The following CSMD1 variants were observed in gnomAD, a reference collection of about 807,000 sequenced individuals.
CSMD1 encodes the protein CUB and Sushi multiple domains 1.
A neutral mutation model predicts 417.5 loss-of-function variants in CSMD1; 213 were observed. The ratio of observed to expected loss-of-function variants is 0.51; its 90% CI spans 0.46 to 0.57. CSMD1 has a LOEUF of 0.57. Ranked by LOEUF, CSMD1 falls within the 20% of genes least tolerant of loss-of-function variation. The pLI, the probability that CSMD1 is intolerant of heterozygous loss-of-function variation, is 0.00. For missense variants in CSMD1, 6,923 were observed against 4,529.7 expected, an observed-to-expected ratio of 1.53 and a Z score of -15.17; for synonymous variants, 2,862 against 1,736.8, an observed-to-expected ratio of 1.65 and a Z score of -16.11.
At chr8:4,159,443 T>G (rs890501169) in intron 3 of CSMD1, among the ~76,000 whole-genome samples, 1 of 152,240 alleles carries the variant, frequency 6.6e-6, no homozygotes, top group African/African-American at 2.4e-5. Flanking sequence ...TGAATGTTTA[T>G]GGCAGCACAA....
chr8:4,579,756 A>T (rs1209045017), intron 2 of CSMD1, among the ~76,000 whole-genome samples: 1 of 152,004 alleles, frequency 6.6e-6, no homozygotes, highest in African/African-American at 2.4e-5. Context: ...TACATGGTGA[A>T]TTTTTACAGG....
chr8:4,877,084 A>G (rs898041183), intron 1 of CSMD1, among the ~76,000 whole-genome samples: 7 of 152,084 alleles, frequency 4.6e-5, no homozygotes, highest in African/African-American at 7.3e-5. Context: ...TTTCAAATAC[A>G]CTACTTATTG....
chr8:4,745,000 C>A lies in CSMD1; in HGVS notation c.86-107442G>T, dbSNP rs1252871130. Among the ~76,000 whole-genome samples the A allele has an allele frequency of 1.3e-5, 2 of 152,122 alleles. 1 individual carries two copies. The highest frequency in any genetic ancestry group is 2.9e-5 in the Non-Finnish European group (2 of 67,996). ...GAAAACATACACTTGTTTCAAACAT[C>A]AACCTATCATAATAAACTTGTGTTA... On this transcript the variant is annotated intron_variant, in intron 1 of 69. Coordinates refer to ENST00000635120, the MANE Select transcript of CSMD1 (RefSeq NM_033225.6).
chr8:4,342,827 A>G (rs981804754), intron 3 of CSMD1, among the ~76,000 whole-genome samples: 4 of 152,034 alleles, frequency 2.6e-5, no homozygotes, highest in Admixed American at 2.6e-4. Context: ...CATCGCAAAG[A>G]AAAAGCAGGA....
intron 50 of CSMD1, among the ~76,000 whole-genome samples, chr8:3,047,015 C>T (rs140130834): frequency 1.3e-5 from 2 of 150,510 alleles, no homozygotes; most frequent in Non-Finnish European, 2.9e-5. Context: ...TGAGACCAGC[C>T]TGGCCAACAT....
chr8:2,945,443 G>T (rs561324509), intron 68 of CSMD1, among the ~76,000 whole-genome samples: 32 of 152,242 alleles, frequency 2.1e-4, no homozygotes, highest in African/African-American at 7.5e-4. Context: ...CATTAAGGGT[G>T]TTTCTAATAC....
chr8:3,787,354 A>ATTTT (rs1393787726), intron 5 of CSMD1, among the ~76,000 whole-genome samples: 2 of 152,182 alleles, frequency 1.3e-5, no homozygotes, highest in Non-Finnish European at 1.5e-5. Context: ...TGTTGATGCC[A>ATTTT]TTTTGCTTGC....
chr8:4,772,886 T>G (rs1796668448), intron 1 of CSMD1, among the ~76,000 whole-genome samples: 1 of 152,168 alleles, frequency 6.6e-6, no homozygotes, highest in Admixed American at 6.5e-5. Flanking sequence ...ATCCTGTTAT[T>G]AATGATGAAT....
intron 68 of CSMD1, among the ~76,000 whole-genome samples, chr8:2,947,399 A>T (rs945862199): frequency 9.2e-5 from 14 of 152,236 alleles, no homozygotes; most frequent in African/African-American, 3.4e-4. Context: ...GCTGTTGCAG[A>T]ATTACGTAAA....
chr8:4,165,850 C>G (rs970817897), intron 3 of CSMD1, among the ~76,000 whole-genome samples: 1 of 152,148 alleles, frequency 6.6e-6, no homozygotes, highest in African/African-American at 2.4e-5. Flanking sequence ...CGTTTTTTGC[C>G]ATTGAAAGTA....
chr8:3,935,532 T>G (rs1810431040), intron 5 of CSMD1, among the ~76,000 whole-genome samples: 1 of 152,196 alleles, frequency 6.6e-6, no homozygotes, highest in South Asian at 2.1e-4. Flanking sequence ...TTGGTAACTT[T>G]CATAATAACC....
At chr8:3,661,459 T>C (rs1034590601) in intron 7 of CSMD1, among the ~76,000 whole-genome samples, 2 of 152,062 alleles carry the variant, frequency 1.3e-5, no homozygotes, top group African/African-American at 4.8e-5. Flanking sequence ...ATTCTAGGGG[T>C]TGCCTGACTT....
intron 2 of CSMD1, among the ~76,000 whole-genome samples, chr8:4,422,825 C>G (rs1010499193): frequency 5.3e-5 from 8 of 152,022 alleles, no homozygotes; most frequent in African/African-American, 1.7e-4. Flanking sequence ...ACGAATTATA[C>G]ACGATGATCA....
At chr8:4,552,639 G>A (rs993595393) in intron 2 of CSMD1, among the ~76,000 whole-genome samples, 5 of 152,184 alleles carry the variant, frequency 3.3e-5, no homozygotes, top group East Asian at 1.9e-4. Flanking sequence ...AAAAATGAAA[G>A]CTGTTTTCTG....
At chr8:3,808,180 T>C (rs1585029353) in intron 5 of CSMD1, among the ~76,000 whole-genome samples, 1 of 152,294 alleles carries the variant, frequency 6.6e-6, no homozygotes, top group African/African-American at 2.4e-5. Flanking sequence ...TGTAACCTAT[T>C]AAAATTGTTT....
chr8:3,399,350 A>T (rs753943485), intron 16 of CSMD1, 41 bp downstream of exon 16: 1 of 1,538,592 alleles, frequency 6.5e-7, no homozygotes, highest in Admixed American at 2.0e-5. Context: ...TGGAAGAGAC[A>T]CACACCATTG....
chr8:3,001,682 T>C (rs918176597), intron 52 of CSMD1, among the ~76,000 whole-genome samples: 2 of 152,164 alleles, frequency 1.3e-5, no homozygotes, highest in Non-Finnish European at 2.9e-5. Context: ...TAATCAATAT[T>C]TATCTTTGAA....
At chr8:3,243,558 G>T (rs529294932) in intron 26 of CSMD1, among the ~76,000 whole-genome samples, 129 of 152,000 alleles carry the variant, frequency 8.5e-4, no homozygotes, top group African/African-American at 1.4e-4. Flanking sequence ...AGAAGGAATT[G>T]CACAAGATAA....
rs560208914 is a variant in CSMD1, at chr8:4,178,451, A to G, written c.416-146352T>C. 4.6e-5 allele frequency among the ~76,000 whole-genome samples: 7 copies of G among 151,582 alleles called. No homozygotes were observed. In the South Asian group the frequency reaches 6.3e-4, roughly 14 times the overall value. On this transcript the variant is annotated intron_variant, in intron 3 of 69. Transcript: ENST00000635120. ...TATCTCAAAATAATAAGAGCTATCT[A>G]TAACAAACCCACAGCCAATATCATA...
Sources: gnomAD v4.1 joint callset for allele counts (sites outside exome capture counted in the v4.1 genomes callset) on GRCh38, gnomAD v4.1.1 for gene constraint, MANE v1.5 for transcripts, NCBI Gene and HGNC (gene_info 2026-07-23, HGNC 2026-07-21) for gene names.